Variants in MROH2A observed in about 807,000 individuals in gnomAD.
MROH2A encodes maestro heat-like repeat-containing protein family member 2A.
Under a neutral mutation model 200.4 loss-of-function variants are expected in MROH2A, and 174 were observed. The ratio of observed to expected loss-of-function variants is 0.87; its 90% CI spans 0.77 to 0.98. The LOEUF (loss-of-function observed/expected upper bound fraction) is 0.98, where lower values mean the gene tolerates loss of function less well. MROH2A is among the 50% of genes least tolerant of loss of function. The pLI, the probability that MROH2A is intolerant of heterozygous loss-of-function variation, is 0.00. For synonymous variants in MROH2A, 829 were observed against 840.4 expected, an observed-to-expected ratio of 0.99 and a Z score of 0.23; for missense variants, 2,045 against 2,139.6, an observed-to-expected ratio of 0.96 and a Z score of 0.87.
intron 28 of MROH2A, 76 bp downstream of exon 28, chr2:233,818,201 C>T (rs1703679670): frequency 3.3e-6 from 5 of 1,515,342 alleles, no homozygotes; most frequent in Non-Finnish European, 3.5e-6. Context: ...TGGGCTGCGG[C>T]CTGCCCTGGA....
chr2:233,827,514 G>C lies in MROH2A; in HGVS notation c.4114-1116G>C, dbSNP rs139560901. Among the ~76,000 whole-genome samples, 122 of 152,278 alleles carry C rather than the reference G, an allele frequency of 8.0e-4. 1 individual carries two copies. The Middle Eastern group carries it at 0.017, about 21-fold the overall frequency. On this transcript the variant is annotated intron_variant, in intron 35 of 41. Coordinates refer to ENST00000389758, the MANE Select transcript of MROH2A (RefSeq NM_001394639.1). ...ATGTTCTCACTTATAAGTGGGAGCT[G>C]AACAATGAGATCACATGGACACAGG...
chr2:233,833,038 C>T (rs1235511508), intron 41 of MROH2A, 100 bp from the exon 42 acceptor site: 3 of 1,403,332 alleles, frequency 2.1e-6, no homozygotes, highest in South Asian at 1.5e-5. Flanking sequence ...TGCCCCTGCC[C>T]ACCTTCTGCG....
At chr2:233,793,086 G>A (rs1406757220) in intron 6 of MROH2A, among the ~76,000 whole-genome samples, 192 bp downstream of exon 6, 2 of 152,226 alleles carry the variant, frequency 1.3e-5, no homozygotes, top group African/African-American at 4.8e-5. Context: ...CTGAGACATG[G>A]TGGGGGCCTT....
intron 22 of MROH2A, 38 bp downstream of exon 22, chr2:233,809,316 C>T: frequency 6.5e-7 from 1 of 1,541,310 alleles, no homozygotes; most frequent in East Asian, 2.5e-5. Flanking sequence ...GTCTTCTGGA[C>T]CAGGCTGGTG....
chr2:233,792,430 T>A (rs558246604), intron 5 of MROH2A, among the ~76,000 whole-genome samples: 45 of 151,936 alleles, frequency 3.0e-4, no homozygotes, highest in East Asian at 7.8e-4. Flanking sequence ...CTCCTGCCTC[T>A]GCCTCCCGAG....
intron 26 of MROH2A, 106 bp downstream of exon 26, chr2:233,814,783 T>C: frequency 1.4e-6 from 1 of 690,756 alleles, no homozygotes; most frequent in East Asian, 3.0e-5. Context: ...AACATTGTTT[T>C]AGTGATTTCA....
chr2:233,783,630 C>T (rs542937405), intron 3 of MROH2A, among the ~76,000 whole-genome samples: 2 of 152,308 alleles, frequency 1.3e-5, no homozygotes, highest in African/African-American at 4.8e-5. Context: ...ACTGCAACCT[C>T]TGCCTCCCGG....
At chr2:233,805,433 C>A (rs1443776439) in intron 19 of MROH2A, among the ~76,000 whole-genome samples, 2 of 152,046 alleles carry the variant, frequency 1.3e-5, no homozygotes, top group Non-Finnish European at 2.9e-5. Context: ...TAGAAAGCAC[C>A]CCATGTTCAT....
intron 24 of MROH2A, 67 bp from the exon 25 acceptor site, chr2:233,813,600 TTGG>T: frequency 1.1e-6 from 1 of 908,600 alleles, no homozygotes; most frequent in Admixed American, 2.1e-5. Flanking sequence ...CGTGCCCAGA[TTGG>T]GCAGTGGGGC....
chr2:233,823,481 C>A, intron 34 of MROH2A, 75 bp from the exon 35 acceptor site: 1 of 1,500,770 alleles, frequency 6.7e-7, no homozygotes, highest in Non-Finnish European at 9.0e-7. Context: ...ACCGATGTGG[C>A]CCTGCCCAGC....
At position 233,829,066 on chromosome 2, in the gene MROH2A, C is replaced by T. The variant is rs374717009; in HGVS notation, c.4440C>T (p.Phe1480=). The change falls in exon 37 of 42, where the codon TTC becomes TTT. Residue 1480 remains phenylalanine, a synonymous_variant. Transcript: ENST00000389758. ...DAMSEQCRIF[F]DNESELLRLK... The stretch of plus-strand genomic sequence containing the variant: ...TGTCTGAGCAGTGCAGGATCTTCTT[C>T]GACAACGTGAGTCCGATGAGAGCCT... The T allele has an allele frequency of 9.2e-6, 14 of 1,515,172 alleles. No homozygotes were observed. The highest frequency in any genetic ancestry group is 3.8e-5 in the South Asian group (3 of 78,912). 93.9% of individuals were successfully genotyped at this position (1,515,172 alleles called of 1,614,324 possible).
At chr2:233,833,071 C>T (rs1305143412) in intron 41 of MROH2A, 67 bp from the exon 42 acceptor site, 20 of 1,464,488 alleles carry the variant, frequency 1.4e-5, no homozygotes, top group Non-Finnish European at 1.8e-5. Context: ...CATCACTGCC[C>T]AGGGCATGCA....
chr2:233,789,400 T>G, intron 3 of MROH2A, 97 bp from the exon 4 acceptor site: 1 of 1,190,310 alleles, frequency 8.4e-7, no homozygotes, highest in Non-Finnish European at 1.1e-6. Context: ...TGGAGGCTGG[T>G]GGTTTGGGTG....
intron 18 of MROH2A, 119 bp from the exon 19 acceptor site, chr2:233,804,885 G>A: frequency 1.6e-6 from 1 of 617,012 alleles, no homozygotes; most frequent in Non-Finnish European, 2.9e-6. Context: ...TGGAGATGTG[G>A]GCAAGGGAAG....
In MROH2A at chr2:233,807,652, G is replaced by T; in HGVS notation, c.2173-81G>T. 6.5e-7 allele frequency: 1 copy of T among 1,547,052 alleles called. No individual in the cohort carries two copies. The highest frequency in any genetic ancestry group is 8.7e-7 in the Non-Finnish European group (1 of 1,145,024). On this transcript the variant is annotated intron_variant, in intron 20 of 41. Transcript: ENST00000389758. This position sits in a 1 kb window ranked among gnomAD's most constrained non-coding sequence, Gnocchi z 4.3. ...TGTGTGTGTGTGTGTACATGTGTGT[G>T]TGCCTTGCACGTGTGTGTGTGGGAT...
chr2:233,816,701 G>A, intron 26 of MROH2A, 80 bp from the exon 27 acceptor site: 1 of 857,356 alleles, frequency 1.2e-6, no homozygotes, highest in Admixed American at 2.0e-5. Flanking sequence ...GTAGGAGGGT[G>A]AGGTGGGCAA....
rs76400515 is a variant in MROH2A at position 233,793,414 on chromosome 2, G to A, written c.671-259G>A. 3.2e-3 allele frequency among the ~76,000 whole-genome samples: 480 copies of A among 152,290 alleles called. 7 individuals carry two copies. The East Asian group carries it at 0.036, about 11-fold the overall frequency. On this transcript the variant is annotated intron_variant, in intron 6 of 41. Transcript: ENST00000389758. The stretch of plus-strand genomic sequence containing the variant: ...CCTGGAATCCCCAGGATGTGGGCAG[G>A]GTCATACTCCAGGCCTCGCCCTTGA...
At position 233,779,736 on chromosome 2, in the gene MROH2A, A is replaced by G; in HGVS notation, c.160A>G (p.Thr54Ala). The change falls in exon 3 of 42, where the codon ACA (threonine) becomes GCA (alanine). Residue 54 changes from threonine (T) to alanine (A), a missense_variant. Physicochemically the swap from Thr to Ala is moderately conservative, Grantham distance 58. Transcript: ENST00000389758. ...CAGCGAGTCAGCAAAGACGGACACAACAGGGGCAGGCCTTGACATGCGGAA... is the reference window on the plus strand; with the variant it reads ...CAGCGAGTCAGCAAAGACGGACACAGCAGGGGCAGGCCTTGACATGCGGAA... ...IDSESAKTDT[T>A]GAGLDMRKTL... 2 of 1,551,164 alleles carry G rather than the reference A, an allele frequency of 1.3e-6. No homozygotes were observed. The highest frequency in any genetic ancestry group is 1.7e-6 in the Non-Finnish European group (2 of 1,147,116).
At chr2:233,791,874 T>C (rs1255075731) in intron 5 of MROH2A, among the ~76,000 whole-genome samples, 1 of 151,768 alleles carries the variant, frequency 6.6e-6, no homozygotes, top group Admixed American at 6.6e-5. Context: ...AAGGCAGGCC[T>C]GGAAAGAGGA....
Sources: gnomAD v4.1 joint callset for allele counts (sites outside exome capture counted in the v4.1 genomes callset) on GRCh38, gnomAD v4.1.1 for gene constraint, Gnocchi (gnomAD v3.1) non-coding constraint, MANE v1.5 for transcripts, NCBI Gene and HGNC (gene_info 2026-07-23, HGNC 2026-07-21) for gene names.